STK35: variants seen among roughly 807,000 people sequenced by gnomAD.
STK35 encodes serine/threonine kinase 35, also known as serine/threonine-protein kinase 35.
STK35 carries 17 observed loss-of-function variants against 37.3 expected under a neutral mutation model. That is an observed-to-expected ratio of 0.46 (90% CI 0.31 to 0.68). The LOEUF (loss-of-function observed/expected upper bound fraction) is 0.68, where lower values mean the gene tolerates loss of function less well. STK35 is among the 30% of genes least tolerant of loss of function. The probability of loss-of-function intolerance (pLI) is 0.05; values close to 1 mark genes in which losing one functional copy is unlikely to be tolerated. For synonymous variants in STK35, 385 were observed against 319.1 expected (o/e 1.21, Z -2.20); for missense variants, 595 against 746.7 (o/e 0.80, Z 2.37).
chr20:2,107,718 C>G (rs993339724), intron 2 of STK35, among the ~76,000 whole-genome samples: 2 of 152,130 alleles, frequency 1.3e-5, no homozygotes, highest in African/African-American at 4.8e-5. Flanking sequence ...CCCAACTTGT[C>G]GAGTGCCTAG....
intron 3 of STK35, among the ~76,000 whole-genome samples, chr20:2,143,410 A>G (rs1234979663): frequency 2.6e-5 from 4 of 152,216 alleles, no homozygotes; most frequent in Non-Finnish European, 5.9e-5. Context: ...GAGTGGAAGC[A>G]GTGCTGGCAA....
At chr20:2,112,678 A>G (rs1175723167) in intron 2 of STK35, among the ~76,000 whole-genome samples, 1 of 152,142 alleles carries the variant, frequency 6.6e-6, no homozygotes, top group African/African-American at 2.4e-5. Flanking sequence ...GTAAGATGAG[A>G]TAGCTCACAT....
intron 3 of STK35, among the ~76,000 whole-genome samples, chr20:2,133,428 G>A (rs942069043): frequency 2.6e-5 from 4 of 152,212 alleles, no homozygotes; most frequent in Non-Finnish European, 4.4e-5. Flanking sequence ...TTGAGGAGGG[G>A]AATTAGGGTA....
At chr20:2,135,903 C>T (rs912556380) in intron 3 of STK35, among the ~76,000 whole-genome samples, 13 of 152,080 alleles carry the variant, frequency 8.5e-5, no homozygotes, top group Non-Finnish European at 7.4e-5. Context: ...GAAACTGAGG[C>T]GGAAGGATCA....
chr20:2,132,786 T>C (rs1986022477), intron 3 of STK35, among the ~76,000 whole-genome samples: 1 of 152,196 alleles, frequency 6.6e-6, no homozygotes, highest in African/African-American at 2.4e-5. Flanking sequence ...GACTGGTCAA[T>C]CTAGGTTTAA....
intron 3 of STK35, among the ~76,000 whole-genome samples, chr20:2,127,370 G>A (rs1040212392): frequency 2.6e-5 from 4 of 151,770 alleles, no homozygotes; most frequent in Non-Finnish European, 5.9e-5. Context: ...GTCAGATCTT[G>A]GCAGGTTGTA....
rs1986311098 is a variant in STK35, at chr20:2,148,418, TG to T, written c.*4673del. ...TGTACTTGGTTTACTTGGGTTGGTATGATACATTATATTTAAGTTCCTTGAA... is the reference window on the plus strand; with the variant it reads ...TGTACTTGGTTTACTTGGGTTGGTATATACATTATATTTAAGTTCCTTGAA... On this transcript the variant is annotated 3_prime_UTR_variant, in exon 4 of 4. Transcript: ENST00000381482. 1 of 152,682 alleles carries T rather than the reference TG, an allele frequency of 6.5e-6. No homozygotes were observed. Among genetic ancestry groups the T allele is most frequent in the Non-Finnish European group, 1.5e-5 (1 of 68,048 alleles). 9.5% of individuals were successfully genotyped at this position (152,682 alleles called of 1,614,324 possible).
At chr20:2,142,447 A>G (rs559237721) in intron 3 of STK35, among the ~76,000 whole-genome samples, 1 of 152,304 alleles carries the variant, frequency 6.6e-6, no homozygotes, top group African/African-American at 2.4e-5. Context: ...GCTCTGCCTG[A>G]CAAAGAAAGG....
chr20:2,103,209 G>T lies in STK35; in HGVS notation c.736G>T (p.Ala246Ser), dbSNP rs369013569. The T allele has an allele frequency of 6.8e-6, 11 of 1,611,584 alleles. No individual in the cohort carries two copies. Among genetic ancestry groups the T allele is most frequent in the East Asian group, 4.5e-5 (2 of 44,802 alleles). The change falls in exon 2 of 4, where the codon GCT becomes TCT. Residue 246 changes from alanine (A) to serine (S), a missense_variant. Around this residue, in one of 3 missense-constraint regions of STK35, gnomAD observed 97 missense variants for 146.4 expected, o/e 0.66. Coordinates refer to ENST00000381482, the MANE Select transcript of STK35 (RefSeq NM_080836.4). ...CCCCGAGAACGTGGAGCTGGCGCTG[G>T]CTGAATTCTGGGCCCTCACCAGCCT... Reference protein sequence around the residue: ...DAPENVELALAEFWALTSLKR... With the variant: ...DAPENVELALSEFWALTSLKR...
At chr20:2,131,953 A>T (rs1055337295) in intron 3 of STK35, among the ~76,000 whole-genome samples, 3 of 152,032 alleles carry the variant, frequency 2.0e-5, no homozygotes, top group Non-Finnish European at 4.4e-5. Flanking sequence ...TACTTTTTAA[A>T]TTTTTTTTGC....
rs1407128012 is a variant in STK35 at position 2,131,601 on chromosome 20, T to G, written c.*38-12183T>G. Among the ~76,000 whole-genome samples the G allele has an allele frequency of 4.6e-5, 7 of 152,228 alleles. No individual in the cohort carries two copies. In the East Asian group the frequency reaches 1.3e-3, roughly 29 times the overall value. On this transcript the variant is annotated intron_variant, in intron 3 of 3. Transcript: ENST00000381482. ...GAGTCAGTGTGAAGGCCTAGGACAT[T>G]ACTGTACACTATTGTAGAATTTCTT...
At chr20:2,116,174 G>A (rs1320262715) in intron 2 of STK35, among the ~76,000 whole-genome samples, 1 of 152,130 alleles carries the variant, frequency 6.6e-6, no homozygotes, top group African/African-American at 2.4e-5. Context: ...AATTGTAGGA[G>A]TGTGCCTCTG....
intron 3 of STK35, among the ~76,000 whole-genome samples, chr20:2,125,768 G>GC (rs951501637): frequency 3.3e-5 from 5 of 152,350 alleles, no homozygotes; most frequent in Middle Eastern, 3.4e-3. Context: ...AGTGTGAGGT[G>GC]CCCATATAAC....
At chr20:2,109,331 C>T (rs1165605792) in intron 2 of STK35, among the ~76,000 whole-genome samples, 2 of 152,178 alleles carry the variant, frequency 1.3e-5, no homozygotes, top group Admixed American at 6.5e-5. Flanking sequence ...TACTTGAGCC[C>T]GGACTGCCAT....
chr20:2,116,904 C>T lies in STK35; in HGVS notation c.1131C>T (p.Leu377=). 6.2e-7 allele frequency: 1 copy of T among 1,614,154 alleles called. No homozygotes were observed. Among genetic ancestry groups the T allele is most frequent in the Non-Finnish European group, 8.5e-7 (1 of 1,180,034 alleles). ...LITERSGTPI[L]KVADFGLSKV... ...CAGAGCGGTCTGGCACCCCCATCCTCAAAGTGGCCGACTTTGGACTAAGCA... is the reference window on the plus strand; with the variant it reads ...CAGAGCGGTCTGGCACCCCCATCCTTAAAGTGGCCGACTTTGGACTAAGCA... Residue 377 remains leucine (L), a synonymous_variant, in exon 3 of 4, where the codon CTC becomes CTT. Transcript: ENST00000381482.
intron 3 of STK35, among the ~76,000 whole-genome samples, chr20:2,141,231 G>A (rs1442793022): frequency 6.6e-6 from 1 of 152,206 alleles, no homozygotes; most frequent in African/African-American, 2.4e-5. Flanking sequence ...TGAATCATCA[G>A]GGAATATGTT....
intron 2 of STK35, among the ~76,000 whole-genome samples, chr20:2,105,757 A>G (rs1435606202): frequency 6.6e-6 from 1 of 152,174 alleles, no homozygotes; most frequent in East Asian, 1.9e-4. Flanking sequence ...ACCCCCTTCA[A>G]GATTCACATT....
intron 3 of STK35, among the ~76,000 whole-genome samples, chr20:2,122,156 A>G (rs1985829890): frequency 6.6e-6 from 1 of 152,160 alleles, no homozygotes; most frequent in Non-Finnish European, 1.5e-5. Context: ...CAACATGGTG[A>G]AACCTGGTCT....
rs1330846087 is a variant in STK35, at chr20:2,102,860, G to C, written c.387G>C (p.Pro129=). ...GGGCAGCGCCGTTGCTGCTCCCCCCGCCGCCCGCAGCCATGGAAACGGGGA... is the reference window on the plus strand; with the variant it reads ...GGGCAGCGCCGTTGCTGCTCCCCCCCCCGCCCGCAGCCATGGAAACGGGGA... ...GARAAPLLLP[P]PPAAMETGKD... Residue 129 remains proline, a synonymous_variant, in exon 2 of 4, where the codon CCG becomes CCC. Coordinates refer to ENST00000381482, the MANE Select transcript of STK35 (RefSeq NM_080836.4). 1.3e-6 allele frequency: 2 copies of C among 1,554,302 alleles called. No individual in the cohort carries two copies. The highest frequency in any genetic ancestry group is 1.8e-4 in the Middle Eastern group (1 of 5,564).
Sources: allele counts gnomAD v4.1 joint callset (sites outside exome capture counted in the v4.1 genomes callset), GRCh38; gene constraint gnomAD v4.1.1; regional missense constraint gnomAD v4.1.1; transcripts MANE v1.5; gene names NCBI Gene and HGNC (gene_info 2026-07-23, HGNC 2026-07-21).